The following WDPCP variants were observed in gnomAD, a reference collection of about 807,000 sequenced individuals.
The protein encoded by WDPCP is WD repeat containing planar cell polarity effector.
Under a neutral mutation model 93.1 loss-of-function variants are expected in WDPCP, and 71 were observed. The observed-to-expected ratio is 0.76, with a 90% CI of 0.63 to 0.93. WDPCP has a LOEUF of 0.93. Among genes scored for constraint, WDPCP ranks in the 40% least tolerant of loss-of-function variants. The pLI, the probability that WDPCP is intolerant of heterozygous loss-of-function variation, is 0.00. For missense variants in WDPCP, 844 were observed against 887.4 expected, an observed-to-expected ratio of 0.95 and a Z score of 0.62; for synonymous variants, 315 against 315.0, an observed-to-expected ratio of 1.00 and a Z score of 0.00.
intron 12 of WDPCP, among the ~76,000 whole-genome samples, chr2:63,366,060 A>C (rs1690878789): frequency 6.6e-6 from 1 of 152,168 alleles, no homozygotes; most frequent in Admixed American, 6.5e-5. Context: ...CTCATGTTGG[A>C]AAGAACCTTA....
intron 2 of WDPCP, among the ~76,000 whole-genome samples, chr2:63,738,437 G>A (rs1310995054): frequency 1.4e-5 from 2 of 143,618 alleles, no homozygotes; most frequent in Non-Finnish European, 3.1e-5. Flanking sequence ...CTTCTCCTGT[G>A]CACATAGATC....
intron 9 of WDPCP, among the ~76,000 whole-genome samples, chr2:63,406,544 G>A (rs1200187258): frequency 6.6e-6 from 1 of 152,120 alleles, no homozygotes; most frequent in East Asian, 1.9e-4. Context: ...TATAACAAAA[G>A]ACAGATTAAT....
chr2:63,293,117 C>G (rs1308699719), intron 13 of WDPCP, among the ~76,000 whole-genome samples: 1 of 152,180 alleles, frequency 6.6e-6, no homozygotes, highest in East Asian at 1.9e-4. Flanking sequence ...AACCCCTCCT[C>G]CTTGCCTGAA....
intron 8 of WDPCP, 150 bp from the exon 9 acceptor site, chr2:63,434,086 C>A: frequency 1.3e-6 from 1 of 762,594 alleles, no homozygotes; most frequent in Non-Finnish European, 2.1e-6. Context: ...CAGAATTTAC[C>A]AAATTCTTCT....
At chr2:63,686,513 C>T (rs553009507) in intron 2 of WDPCP, among the ~76,000 whole-genome samples, 3 of 152,212 alleles carry the variant, frequency 2.0e-5, no homozygotes, top group South Asian at 2.1e-4. Context: ...TGTCCTACTA[C>T]CCAAAGTAAT....
At chr2:63,487,150 A>G (rs1700620502) in intron 3 of WDPCP, among the ~76,000 whole-genome samples, 1 of 152,042 alleles carries the variant, frequency 6.6e-6, no homozygotes, top group Non-Finnish European at 1.5e-5. Flanking sequence ...CCATGCATTA[A>G]CAATGCCCTC....
intron 2 of WDPCP, chr2:63,684,258 T>A (rs1668774308): frequency 2.0e-6 from 1 of 495,730 alleles, no homozygotes; most frequent in African/African-American, 2.0e-5. Context: ...AAAATTGAAA[T>A]AGTAAGAAAC....
chr2:63,409,522 G>T (rs562283609), intron 9 of WDPCP, among the ~76,000 whole-genome samples: 1 of 152,074 alleles, frequency 6.6e-6, no homozygotes, highest in African/African-American at 2.4e-5. Context: ...ACACTAGGTC[G>T]CCAGCAATGG....
In WDPCP at chr2:63,626,226, G is replaced by A. The variant is rs113213562; in HGVS notation, n.488+24433C>T. On this transcript the variant is annotated intron_variant and non_coding_transcript_variant, in intron 3 of 4. Coordinates refer to the WDPCP transcript ENST00000467687. ...AGACTTAAATGTAAGACCTAAAACC[G>A]TAAAAACCCTGGAAGAAAACCTAGG... Among the ~76,000 whole-genome samples, 57 of 152,054 alleles carry A rather than the reference G, an allele frequency of 3.7e-4. 1 individual carries two copies. The East Asian group carries it at 8.1e-3, about 22-fold the overall frequency.
intron 1 of WDPCP, among the ~76,000 whole-genome samples, chr2:63,520,477 GC>G (rs1291305238): frequency 2.0e-5 from 3 of 152,148 alleles, no homozygotes; most frequent in Non-Finnish European, 4.4e-5. Context: ...AATGTTAAAG[GC>G]AGCTAGAGAG....
chr2:63,702,528 G>C (rs1669072705), intron 2 of WDPCP, among the ~76,000 whole-genome samples: 1 of 131,060 alleles, frequency 7.6e-6, no homozygotes, highest in Non-Finnish European at 1.6e-5. Context: ...AAAATTAATA[G>C]CTACCCATTC....
chr2:63,503,454 A>T (rs891529105), intron 1 of WDPCP, among the ~76,000 whole-genome samples: 7 of 152,188 alleles, frequency 4.6e-5, no homozygotes, highest in African/African-American at 1.7e-4. Context: ...AATAATTGCA[A>T]TAGTTTATAT....
At chr2:63,279,343 C>A (rs1468400903) in intron 13 of WDPCP, among the ~76,000 whole-genome samples, 1 of 151,674 alleles carries the variant, frequency 6.6e-6, no homozygotes, top group African/African-American at 2.4e-5. Flanking sequence ...CACATAAACA[C>A]AATTAAAAAC....
At chr2:63,688,783 T>A (rs1437740999) in intron 2 of WDPCP, among the ~76,000 whole-genome samples, 2 of 151,948 alleles carry the variant, frequency 1.3e-5, no homozygotes, top group African/African-American at 4.8e-5. Context: ...AAATTAAAAA[T>A]TAAAAAAAAA....
chr2:63,640,023 T>G (rs1001851183), intron 3 of WDPCP, among the ~76,000 whole-genome samples: 25 of 152,088 alleles, frequency 1.6e-4, no homozygotes, highest in African/African-American at 4.1e-4. Flanking sequence ...TTGTTTGTTT[T>G]TTTCTGAGAC....
chr2:63,615,365 G>C (rs866478443), intron 3 of WDPCP, among the ~76,000 whole-genome samples: 1 of 152,150 alleles, frequency 6.6e-6, no homozygotes, highest in Non-Finnish European at 1.5e-5. Flanking sequence ...CATGTCCACC[G>C]TGCGGGATCT....
At chr2:63,550,470 T>C (rs986733764) in intron 1 of WDPCP, among the ~76,000 whole-genome samples, 1 of 152,122 alleles carries the variant, frequency 6.6e-6, no homozygotes, top group Non-Finnish European at 1.5e-5. Flanking sequence ...TTAACATCTC[T>C]TTTTTCTAGT....
At chr2:63,149,054 T>C (rs1048394453) in intron 17 of WDPCP, among the ~76,000 whole-genome samples, 4 of 151,890 alleles carry the variant, frequency 2.6e-5, no homozygotes, top group Non-Finnish European at 5.9e-5. Flanking sequence ...AGTCAAAAAT[T>C]TTTTTCGTCA....
At position 63,174,682 on chromosome 2, in the gene WDPCP, C is replaced by G; in HGVS notation, c.2066G>C (p.Gly689Ala). 1.2e-6 allele frequency: 2 copies of G among 1,613,832 alleles called. No individual in the cohort carries two copies. Among genetic ancestry groups the G allele is most frequent in the Non-Finnish European group, 1.7e-6 (2 of 1,179,856 alleles). ...RHILQQRILNGSSNRQIIDRR... is the reference protein window; with the variant it reads ...RHILQQRILNASSNRQIIDRR... ...CAACATTTCTTACCTGTTAGAAGAG[C>G]CATTCAGTATTCTTTGTTGTAAAAT... The change falls in exon 15 of 18, where the codon GGC becomes GCC. Residue 689 changes from glycine (G) to alanine (A), a missense_variant. Coordinates refer to ENST00000272321, the MANE Select transcript of WDPCP (RefSeq NM_015910.7).
Sources: allele counts gnomAD v4.1 joint callset (sites outside exome capture counted in the v4.1 genomes callset), GRCh38; gene constraint gnomAD v4.1.1; transcripts MANE v1.5; gene names NCBI Gene and HGNC (gene_info 2026-07-23, HGNC 2026-07-21).